The following ROBO2 variants were observed in gnomAD, a reference collection of about 807,000 sequenced individuals.
ROBO2 encodes the protein roundabout guidance receptor 2.
Under a neutral mutation model 160.8 loss-of-function variants are expected in ROBO2, and 53 were observed. That is an observed-to-expected ratio of 0.33 (90% CI 0.26 to 0.41). The LOEUF is 0.41. Ranked by LOEUF, ROBO2 falls within the 10% of genes least tolerant of loss-of-function variation. The pLI is 1.00. For missense variants in ROBO2, 1,577 were observed against 1,722.4 expected (o/e 0.92, Z 1.49); for synonymous variants, 664 against 611.7 (o/e 1.09, Z -1.26).
chr3:76,919,662 T>G (rs2076543809), intron 2 of ROBO2, among the ~76,000 whole-genome samples: 1 of 152,186 alleles, frequency 6.6e-6, no homozygotes, highest in Admixed American at 6.5e-5. Flanking sequence ...ATTATCTTCT[T>G]GCTTAATGAT....
At chr3:77,320,023 G>A (rs1210330437) in intron 2 of ROBO2, among the ~76,000 whole-genome samples, 1 of 152,032 alleles carries the variant, frequency 6.6e-6, no homozygotes, top group Non-Finnish European at 1.5e-5. Context: ...TTTATCACAT[G>A]GAATATGAAT....
At chr3:77,091,856 T>C (rs2070317059) in intron 1 of ROBO2, among the ~76,000 whole-genome samples, 1 of 151,924 alleles carries the variant, frequency 6.6e-6, no homozygotes, top group African/African-American at 2.4e-5. Flanking sequence ...GGTGCGTGCC[T>C]GTAGTCCCAG....
In ROBO2 at chr3:77,320,428, G is replaced by C. The variant is rs573497159; in HGVS notation, c.389-156986G>C. ...TAAAGGAATAAGATTGCACTTTGGC[G>C]CTGCTTCTGTCTTTGCCTCTTGATC... On this transcript the variant is annotated intron_variant, in intron 2 of 25. Coordinates refer to ENST00000461745, the Ensembl canonical transcript of ROBO2. Among the ~76,000 whole-genome samples, 3 of 152,158 alleles carry C rather than the reference G, an allele frequency of 2.0e-5. No homozygotes were observed. In the South Asian group the frequency reaches 6.2e-4, roughly 31 times the overall value.
chr3:77,568,021 G>C (rs1348276876), intron 12 of ROBO2, among the ~76,000 whole-genome samples: 2 of 152,002 alleles, frequency 1.3e-5, no homozygotes, highest in Admixed American at 6.6e-5. Flanking sequence ...TTATCCTTTA[G>C]TAATAAAGTA....
chr3:76,196,019 T>C (rs1372558275), intron 2 of ROBO2, among the ~76,000 whole-genome samples: 4 of 152,052 alleles, frequency 2.6e-5, no homozygotes, highest in Non-Finnish European at 1.5e-5. Context: ...TAATACCCTC[T>C]CATAGGATTG....
intron 2 of ROBO2, among the ~76,000 whole-genome samples, chr3:77,476,020 AAGAG>A (rs1160109727): frequency 1.3e-5 from 2 of 152,182 alleles, no homozygotes; most frequent in Non-Finnish European, 2.9e-5. Flanking sequence ...CTCCTTCAAT[AAGAG>A]ACAAGGTGCT....
chr3:76,562,615 C>T lies in ROBO2; in HGVS notation c.110-535399C>T, dbSNP rs372610700. ...AAAACAACCAATGGAGAATAAAAGT[C>T]GCCATCCTCCAATGATTCTAATTAA... is the stretch of plus-strand genomic sequence containing the variant. On this transcript the variant is annotated intron_variant, in intron 2 of 26. Coordinates refer to the ROBO2 transcript ENST00000487694. 8.5e-5 allele frequency among the ~76,000 whole-genome samples: 13 copies of T among 152,240 alleles called. 1 individual carries two copies. In the East Asian group the frequency reaches 2.3e-3, roughly 27 times the overall value.
At chr3:77,015,903 A>G (rs2062209803) in intron 2 of ROBO2, among the ~76,000 whole-genome samples, 1 of 152,204 alleles carries the variant, frequency 6.6e-6, no homozygotes. Flanking sequence ...ACTTGATCTA[A>G]ATATGGTATT....
At chr3:76,798,808 G>A (rs1301624914) in intron 2 of ROBO2, among the ~76,000 whole-genome samples, 1 of 151,938 alleles carries the variant, frequency 6.6e-6, no homozygotes, top group Non-Finnish European at 1.5e-5. Flanking sequence ...TGGGAGAATT[G>A]GTTGAGACTG....
rs1447851819 is a variant in ROBO2, at chr3:77,220,767, C to A, written c.388+122427C>A. Reference sequence around the variant, plus strand: ...GAAGAGAGATTAGTATCTCTTTTATCATTTAGACGTTAATGAACTTTCAGT... The same window carrying A: ...GAAGAGAGATTAGTATCTCTTTTATAATTTAGACGTTAATGAACTTTCAGT... On this transcript the variant is annotated intron_variant, in intron 2 of 25. Transcript: ENST00000461745. Among the ~76,000 whole-genome samples, 7 of 152,092 alleles carry A rather than the reference C, an allele frequency of 4.6e-5. No individual in the cohort carries two copies. The East Asian group carries it at 1.2e-3, about 25-fold the overall frequency.
At chr3:76,822,071 A>C (rs539341683) in intron 2 of ROBO2, among the ~76,000 whole-genome samples, 1 of 152,168 alleles carries the variant, frequency 6.6e-6, no homozygotes, top group East Asian at 1.9e-4. Flanking sequence ...ACCAAAAAAA[A>C]ATTTTCCAGA....
rs1190379757 is a variant in ROBO2 at position 76,434,489 on chromosome 3, A to G, written c.109+496887A>G. The G allele has an allele frequency of 6.4e-6, 10 of 1,557,384 alleles. No homozygotes were observed. In the South Asian group the frequency reaches 7.8e-5, roughly 12 times the overall value. On this transcript the variant is annotated intron_variant, in intron 2 of 26. Transcript: ENST00000487694. The stretch of plus-strand genomic sequence containing the variant: ...AATGAATGATGCTGCCATGTTTTAT[A>G]CAAACCGAGTCCTCAAAGAGTACAA...
chr3:77,294,790 C>T (rs62251175), intron 2 of ROBO2, among the ~76,000 whole-genome samples: 22 of 149,364 alleles, frequency 1.5e-4, no homozygotes, highest in Admixed American at 3.3e-4. Flanking sequence ...GACGGTTAAA[C>T]GGGTAAGCTG....
chr3:77,259,293 A>G (rs1195279838), intron 2 of ROBO2, among the ~76,000 whole-genome samples: 1 of 152,242 alleles, frequency 6.6e-6, no homozygotes, highest in Non-Finnish European at 1.5e-5. Flanking sequence ...GAATGCATGT[A>G]AGAATTAGCG....
At chr3:76,038,344 A>T (rs955888603) in intron 2 of ROBO2, among the ~76,000 whole-genome samples, 1 of 151,980 alleles carries the variant, frequency 6.6e-6, no homozygotes, top group Non-Finnish European at 1.5e-5. Context: ...GAACTTCAAC[A>T]CTTTAAAATT....
chr3:76,172,697 A>T (rs1294391557), intron 2 of ROBO2, among the ~76,000 whole-genome samples: 1 of 152,160 alleles, frequency 6.6e-6, no homozygotes, highest in Non-Finnish European at 1.5e-5. Context: ...AATCTGAAAT[A>T]ACCCAGATGC....
chr3:77,184,187 G>A (rs2150877817), intron 2 of ROBO2, among the ~76,000 whole-genome samples: 1 of 152,138 alleles, frequency 6.6e-6, no homozygotes, highest in South Asian at 2.1e-4. Context: ...TAATTACAAA[G>A]TGTATGCGTT....
intron 2 of ROBO2, among the ~76,000 whole-genome samples, chr3:76,498,109 T>C (rs1432954749): frequency 6.6e-6 from 1 of 152,242 alleles, no homozygotes; most frequent in Non-Finnish European, 1.5e-5. Flanking sequence ...GTGTTGTAAT[T>C]CTAGCACCTA....
intron 2 of ROBO2, among the ~76,000 whole-genome samples, chr3:76,902,538 AC>A (rs775570922): frequency 7.9e-5 from 12 of 152,064 alleles, no homozygotes; most frequent in Non-Finnish European, 1.5e-4. Context: ...ATATCTCAAA[AC>A]ATACTTTGCT....
Sources: gnomAD v4.1 joint callset for allele counts (sites outside exome capture counted in the v4.1 genomes callset) on GRCh38, gnomAD v4.1.1 for gene constraint, MANE v1.5 for transcripts, NCBI Gene and HGNC (gene_info 2026-07-23, HGNC 2026-07-21) for gene names.